Variants in TFAP4 observed in about 807,000 individuals in gnomAD.
TFAP4 encodes the protein transcription factor AP-4, also known as activating enhancer-binding protein 4.
A neutral mutation model predicts 40.4 loss-of-function variants in TFAP4; 7 were observed. The observed-to-expected ratio is 0.17, with a 90% confidence interval of 0.10 to 0.33. TFAP4 has a LOEUF of 0.33. Ranked by LOEUF, TFAP4 falls within the 10% of genes least tolerant of loss-of-function variation. The pLI, the probability that TFAP4 is intolerant of heterozygous loss-of-function variation, is 1.00. For missense variants in TFAP4, 374 were observed against 451.1 expected (o/e 0.83, Z 1.55); for synonymous variants, 218 against 181.4 (o/e 1.20, Z -1.62).
At position 4,262,661 on chromosome 16, in the gene TFAP4, G is replaced by C. The variant is rs928835379; in HGVS notation, c.130C>G (p.Gln44Glu). The change falls in exon 2 of 7, where the codon CAG becomes GAG. Residue 44 changes from glutamine to glutamate, a missense_variant. Gln to Glu is a conservative substitution (Grantham distance 29). Coordinates refer to ENST00000204517, the MANE Select transcript of TFAP4 (RefSeq NM_003223.3). ...ATCTCCCGCCGAATCCGCCGCTCCT[G>C]GTCCCGCTGAGTCTCGGGGGTTAGT... ...IPLTPETQRD[Q>E]ERRIRREIAN... is the part of the protein sequence containing the mutation. The C allele has an allele frequency of 6.2e-7, 1 of 1,611,146 alleles. No individual in the cohort carries two copies. The highest frequency in any genetic ancestry group is 1.7e-5 in the Admixed American group (1 of 60,020).
In TFAP4 at chr16:4,260,116, G is replaced by A; in HGVS notation, c.796C>T (p.Arg266Trp). 1.2e-6 allele frequency: 2 copies of A among 1,611,026 alleles called. No individual in the cohort carries two copies. Among genetic ancestry groups the A allele is most frequent in the African/African-American group, 1.3e-5 (1 of 74,764 alleles). The change falls in exon 6 of 7, where the codon CGG (arginine) becomes TGG (tryptophan). Residue 266 changes from arginine to tryptophan, a missense_variant. Around this residue, in one of 6 missense-constraint regions of TFAP4, gnomAD observed 9 missense variants for 28.7 expected, o/e 0.31. Coordinates refer to ENST00000204517, the MANE Select transcript of TFAP4 (RefSeq NM_003223.3). ...TGCACGATGGTGTCCAGATTTTGCCGGGATGTGGAAACAGAGTTGATGACC... is the reference window on the plus strand; with the variant it reads ...TGCACGATGGTGTCCAGATTTTGCCAGGATGTGGAAACAGAGTTGATGACC... ...SSVINSVSTS[R>W]QNLDTIVQAI...
intron 1 of TFAP4, chr16:4,262,941 C>G (rs913473513): frequency 4.2e-5 from 23 of 546,348 alleles, no homozygotes; most frequent in South Asian, 8.2e-5. Flanking sequence ...TTTGGGAGGT[C>G]AAGGCCAAGG....
At chr16:4,266,314 A>T (rs1444658296) in intron 1 of TFAP4, 1 of 152,226 alleles carries the variant, frequency 6.6e-6, no homozygotes, top group Admixed American at 6.5e-5. Flanking sequence ...CTCCTGGCTC[A>T]GAAACCAGCT....
At chr16:4,259,237 G>A (rs369388241) in intron 6 of TFAP4, among the ~76,000 whole-genome samples, 61 of 151,832 alleles carry the variant, frequency 4.0e-4, no homozygotes, top group South Asian at 4.0e-3. Flanking sequence ...ATGTTCAAGC[G>A]ATTCTCCTGC....
At chr16:4,268,906 T>C (rs997070833) in intron 1 of TFAP4, among the ~76,000 whole-genome samples, 37 of 151,662 alleles carry the variant, frequency 2.4e-4, no homozygotes, top group African/African-American at 8.5e-4. Context: ...ACTGTTTTTT[T>C]TAAGAGACAG....
Position 4,261,463 on chromosome 16 carries a change from A to AT in TFAP4, c.525+315dup, listed in dbSNP as rs1243235102. ...CCCGGCTAATTTTTTTTTTTTTTGT[A>AT]TTTTTAGTAGAGACGGGGTTTCACC... On this transcript the variant is annotated intron_variant, in intron 4 of 6. Coordinates refer to ENST00000204517, the MANE Select transcript of TFAP4 (RefSeq NM_003223.3). 5.6e-5 allele frequency among the ~76,000 whole-genome samples: 8 copies of AT among 143,474 alleles called. No individual in the cohort carries two copies. The East Asian group carries it at 1.2e-3, about 22-fold the overall frequency. The allele number at this position is 143,474 out of a possible 152,430, so 94.1% of individuals were successfully genotyped here.
At chr16:4,269,642 T>C (rs2053025530) in intron 1 of TFAP4, among the ~76,000 whole-genome samples, 1 of 151,192 alleles carries the variant, frequency 6.6e-6, no homozygotes, top group South Asian at 2.1e-4. Flanking sequence ...AAACCCCGTC[T>C]GTACTAAAAA....
At chr16:4,264,856 G>C (rs2052978517) in intron 1 of TFAP4, 2 of 152,332 alleles carry the variant, frequency 1.3e-5, no homozygotes, top group Non-Finnish European at 2.9e-5. Flanking sequence ...GGTGGGAAGA[G>C]ATGTCCATAG....
rs748809683 is a variant in TFAP4 at position 4,258,026 on chromosome 16, C to A, written c.*29G>T. 4 of 1,599,364 alleles carry A rather than the reference C, an allele frequency of 2.5e-6. No individual in the cohort carries two copies. Among genetic ancestry groups the A allele is most frequent in the Non-Finnish European group, 3.4e-6 (4 of 1,174,918 alleles). ...GGCTGCCCCGGCTCCCTCCAGCCCC[C>A]AGAAGGGAGAGGAGGGCTGGGGGGG... On this transcript the variant is annotated 3_prime_UTR_variant, in exon 7 of 7. Transcript: ENST00000204517.
Position 4,258,197 on chromosome 16 carries a change from T to C in TFAP4, c.875A>G (p.Gln292Arg), listed in dbSNP as rs1222670983. The C allele has an allele frequency of 2.5e-6, 4 of 1,611,146 alleles. No homozygotes were observed. Among genetic ancestry groups the C allele is most frequent in the Non-Finnish European group, 3.4e-6 (4 of 1,177,906 alleles). ...AGGCTTCACGATGACAGCTCGCCGC[T>C]GCTCCTCCTCCAGCTCCTGCTTTTC... The part of the protein sequence containing the change: ...TQEKQELEEE[Q>R]RRAVIVKPVR... The change falls in exon 7 of 7, where the codon CAG becomes CGG. Residue 292 changes from glutamine (Q) to arginine (R), a missense_variant. Coordinates refer to ENST00000204517, the MANE Select transcript of TFAP4 (RefSeq NM_003223.3).
chr16:4,262,060 G>A, intron 3 of TFAP4, 111 bp from the exon 4 acceptor site: 2 of 1,232,444 alleles, frequency 1.6e-6, no homozygotes, highest in East Asian at 5.1e-5. Flanking sequence ...ATCTTCATTA[G>A]GGAGCCCCTT....
rs2052933391 is a variant in TFAP4 at position 4,260,211 on chromosome 16, G to A, written c.701C>T (p.Thr234Met). Residue 234 changes from threonine (T) to methionine (M), a missense_variant, in exon 6 of 7, where the codon ACG (threonine) becomes ATG (methionine). By Grantham distance (81) the Thr-to-Met change is moderately conservative (BLOSUM62 -1). Around this residue, in one of 6 missense-constraint regions of TFAP4, gnomAD observed 161 missense variants for 154.2 expected, o/e 1.04. Transcript: ENST00000204517. ...AGGAGGCGGTGCTGGCACGATCACC[G>A]TGGGGTGGTGGGTGGGGGCCGGAGG... ...LPPPAPTHHP[T>M]VIVPAPPPPP... 1.9e-6 allele frequency: 3 copies of A among 1,550,208 alleles called. No homozygotes were observed. The highest frequency in any genetic ancestry group is 2.1e-5 in the Admixed American group (1 of 47,412).
intron 4 of TFAP4, among the ~76,000 whole-genome samples, chr16:4,261,541 G>A (rs566253690): frequency 2.6e-5 from 4 of 151,788 alleles, no homozygotes; most frequent in East Asian, 3.9e-4. Context: ...CACCCGCCTC[G>A]GCCTCCCACA....
At chr16:4,260,708 T>C (rs251731) in intron 4 of TFAP4, 113 bp from the exon 5 acceptor site, 674,010 of 1,276,686 alleles carry the variant, frequency 0.53, 180,252 homozygotes, top group East Asian at 0.77. Context: ...GGCGGGCCCC[T>C]CTCAACAGAG....
intron 1 of TFAP4, chr16:4,263,872 G>C (rs569288375): frequency 1.3e-5 from 2 of 152,898 alleles, no homozygotes; most frequent in Non-Finnish European, 2.9e-5. Context: ...GTGGGCCCAA[G>C]GCCACGCTCC....
At chr16:4,270,747 C>T (rs1208262470) in intron 1 of TFAP4, among the ~76,000 whole-genome samples, 1 of 152,152 alleles carries the variant, frequency 6.6e-6, no homozygotes. Context: ...CACCCAAGGC[C>T]CAGGCATGGC....
At chr16:4,260,064 G>T in intron 6 of TFAP4, 26 bp downstream of exon 6, 1 of 1,600,222 alleles carries the variant, frequency 6.2e-7, no homozygotes, top group Non-Finnish European at 8.5e-7. Flanking sequence ...ACCCCCACAA[G>T]CTGCCCCTTT....
intron 1 of TFAP4, among the ~76,000 whole-genome samples, chr16:4,269,138 T>G (rs932539412): frequency 4.6e-5 from 7 of 151,892 alleles, no homozygotes; most frequent in Non-Finnish European, 1.0e-4. Context: ...TTTTTTCCCC[T>G]TGGCCTTCCA....
In TFAP4 at chr16:4,258,146, G is replaced by GT; in HGVS notation, c.925dup (p.Thr309AsnfsTer3). 1 of 1,614,044 alleles carries GT rather than the reference G, an allele frequency of 6.2e-7. No homozygotes were observed. Among genetic ancestry groups the GT allele is most frequent in the Non-Finnish European group, 8.5e-7 (1 of 1,179,992 alleles). ...CTCGGAGTCGGAGGCGGTGTCAGAGGTGGGGGCCTCCGGGCAGCTGCGGAC... is the reference window on the plus strand; with the variant it reads ...CTCGGAGTCGGAGGCGGTGTCAGAGGTTGGGGGCCTCCGGGCAGCTGCGGAC... On this transcript the variant is annotated frameshift_variant, in exon 7 of 7. Transcript: ENST00000204517. LOFTEE classifies it high-confidence loss of function.
Sources: gnomAD v4.1 joint callset for allele counts (sites outside exome capture counted in the v4.1 genomes callset) on GRCh38, gnomAD v4.1.1 for gene constraint, gnomAD v4.1.1 regional missense constraint, MANE v1.5 for transcripts, NCBI Gene and HGNC (gene_info 2026-07-23, HGNC 2026-07-21) for gene names.